Variants in CTDSPL2 observed in about 807,000 individuals in gnomAD.
CTDSPL2 encodes CTD small phosphatase like 2, also known as CTD small phosphatase-like protein 2.
CTDSPL2 carries 5 observed loss-of-function variants against 60.0 expected under a neutral mutation model. The ratio of observed to expected loss-of-function variants is 0.08; its 90% CI spans 0.04 to 0.18. CTDSPL2 has a LOEUF of 0.18. Ranked by LOEUF, CTDSPL2 falls within the 10% of genes least tolerant of loss-of-function variation. The probability of loss-of-function intolerance (pLI) is 1.00; values close to 1 mark genes in which losing one functional copy is unlikely to be tolerated. For synonymous variants in CTDSPL2, 186 were observed against 189.3 expected, an observed-to-expected ratio of 0.98 and a Z score of 0.14; for missense variants, 370 against 548.8, an observed-to-expected ratio of 0.67 and a Z score of 3.26.
intron 3 of CTDSPL2, among the ~76,000 whole-genome samples, chr15:44,485,150 C>G (rs575728748): frequency 3.3e-5 from 5 of 152,280 alleles, no homozygotes; most frequent in South Asian, 2.1e-4. Flanking sequence ...CTACTAGTGT[C>G]TACTAGGTGG....
intron 1 of CTDSPL2, among the ~76,000 whole-genome samples, chr15:44,431,316 G>A (rs2079852729): frequency 6.6e-6 from 1 of 152,124 alleles, no homozygotes; most frequent in Non-Finnish European, 1.5e-5. Context: ...TTTAATTGCA[G>A]CTTTAGTTTT....
At chr15:44,457,770 C>A (rs371178907) in intron 1 of CTDSPL2, among the ~76,000 whole-genome samples, 25 of 152,208 alleles carry the variant, frequency 1.6e-4, no homozygotes, top group African/African-American at 6.0e-4. Flanking sequence ...TGCCACCACG[C>A]CCACCTAATT....
intron 4 of CTDSPL2, among the ~76,000 whole-genome samples, chr15:44,488,236 A>C (rs529077966): frequency 6.6e-5 from 10 of 152,324 alleles, no homozygotes; most frequent in African/African-American, 1.7e-4. Context: ...CTTGGGCAGT[A>C]GTGTGTAGAC....
chr15:44,472,598 A>C (rs568643673), intron 2 of CTDSPL2, among the ~76,000 whole-genome samples: 3 of 150,264 alleles, frequency 2.0e-5, no homozygotes, highest in Non-Finnish European at 4.4e-5. Flanking sequence ...TCCTGGGCTC[A>C]AGTGATCCTT....
chr15:44,459,595 A>G (rs1282246210), intron 2 of CTDSPL2, among the ~76,000 whole-genome samples: 1 of 152,160 alleles, frequency 6.6e-6, no homozygotes, highest in Non-Finnish European at 1.5e-5. Context: ...TAGCGCACCA[A>G]AAACTACGTT....
At chr15:44,502,391 T>C (rs2081395114) in intron 8 of CTDSPL2, among the ~76,000 whole-genome samples, 1 of 152,168 alleles carries the variant, frequency 6.6e-6, no homozygotes, top group Non-Finnish European at 1.5e-5. Flanking sequence ...TAATTTTAAC[T>C]CTACATGTTA....
At chr15:44,434,272 T>C (rs1438253170) in intron 1 of CTDSPL2, among the ~76,000 whole-genome samples, 2 of 152,064 alleles carry the variant, frequency 1.3e-5, no homozygotes, top group African/African-American at 4.8e-5. Context: ...TGGTGGCGCA[T>C]GCCTGTAGTC....
At chr15:44,433,334 A>C (rs529621269) in intron 1 of CTDSPL2, among the ~76,000 whole-genome samples, 1 of 151,412 alleles carries the variant, frequency 6.6e-6, no homozygotes, top group African/African-American at 2.4e-5. Context: ...CTCAAAGAAA[A>C]AAAAAAAAAA....
intron 2 of CTDSPL2, among the ~76,000 whole-genome samples, chr15:44,460,492 GTTC>G (rs1157659279): frequency 2.0e-5 from 3 of 152,054 alleles, no homozygotes; most frequent in African/African-American, 7.2e-5. Context: ...CTATTTTTGT[GTTC>G]TTAGAATAAT....
intron 8 of CTDSPL2, among the ~76,000 whole-genome samples, chr15:44,512,485 G>C (rs1015178623): frequency 6.6e-6 from 1 of 152,170 alleles, no homozygotes; most frequent in Admixed American, 6.5e-5. Context: ...TGGCAGAATA[G>C]ATGGGTTGTT....
intron 1 of CTDSPL2, among the ~76,000 whole-genome samples, chr15:44,444,874 G>T (rs1285104880): frequency 9.1e-6 from 1 of 110,492 alleles, no homozygotes; most frequent in African/African-American, 3.6e-5. Context: ...TTTAGACGGA[G>T]TCTCCCTCTG....
intron 8 of CTDSPL2, among the ~76,000 whole-genome samples, chr15:44,505,659 G>A (rs1009724132): frequency 4.6e-5 from 7 of 151,658 alleles, no homozygotes; most frequent in South Asian, 2.1e-4. Context: ...GCTTGAACCC[G>A]GGAGGGAGAG....
At chr15:44,523,879 A>G (rs980296645) in intron 12 of CTDSPL2, among the ~76,000 whole-genome samples, 3 of 152,228 alleles carry the variant, frequency 2.0e-5, no homozygotes, top group Non-Finnish European at 4.4e-5. Flanking sequence ...AGCCTGAGCA[A>G]CAGAGCAAGA....
chr15:44,488,836 C>CA lies in CTDSPL2; in HGVS notation c.476-1940dup, dbSNP rs943850197. 9.9e-5 allele frequency among the ~76,000 whole-genome samples: 15 copies of CA among 151,518 alleles called. No individual in the cohort carries two copies. The East Asian group carries it at 1.6e-3, about 16-fold the overall frequency. On this transcript the variant is annotated intron_variant, in intron 4 of 12. Transcript: ENST00000260327. ...CTCCATCTCAAAAAACAAAACAAAA[C>CA]AAAAAAAACAAACCCCAGTAGTAAT...
At chr15:44,521,523 G>A in intron 12 of CTDSPL2, 117 bp downstream of exon 12, 1 of 541,734 alleles carries the variant, frequency 1.8e-6, no homozygotes, top group Admixed American at 3.6e-5. Flanking sequence ...TGTGAGCCAG[G>A]TCACAGGTGC....
At chr15:44,524,045 A>G (rs1416450039) in intron 12 of CTDSPL2, 64 bp from the exon 13 acceptor site, 2 of 1,238,634 alleles carry the variant, frequency 1.6e-6, no homozygotes, top group African/African-American at 1.5e-5. Context: ...GTAAGAATGT[A>G]TGTTATGAGG....
intron 5 of CTDSPL2, among the ~76,000 whole-genome samples, chr15:44,493,675 C>CTATA (rs1289593078): frequency 6.6e-6 from 1 of 152,102 alleles, no homozygotes. Context: ...GGCTTGCATA[C>CTATA]TATAGTCCCA....
At chr15:44,512,483 T>C (rs981854518) in intron 8 of CTDSPL2, among the ~76,000 whole-genome samples, 4 of 152,216 alleles carry the variant, frequency 2.6e-5, no homozygotes, top group Admixed American at 2.0e-4. Context: ...ATTGGCAGAA[T>C]AGATGGGTTG....
rs35160726 is a variant in CTDSPL2, at chr15:44,444,836, G to GTTTTTTTTTTTTT, written c.-24-14137_-24-14125dup. 2.9e-5 allele frequency among the ~76,000 whole-genome samples: 2 copies of GTTTTTTTTTTTTT among 69,614 alleles called. 1 individual carries two copies. The highest frequency in any genetic ancestry group is 1.2e-3 in the East Asian group (2 of 1,608). 45.7% of individuals were successfully genotyped at this position (69,614 alleles called of 152,430 possible). Reference sequence around the variant, plus strand: ...GCCTGGTGTTGAGATATGGAATGTAGTTTTTTTTTTTTTTTTTTTTTTTTT... The same window carrying GTTTTTTTTTTTTT: ...GCCTGGTGTTGAGATATGGAATGTAGTTTTTTTTTTTTTTTTTTTTTTTTTTTTTTTTTTTTTT... On this transcript the variant is annotated intron_variant, in intron 1 of 12. Transcript: ENST00000260327.
Sources: allele counts gnomAD v4.1 joint callset (sites outside exome capture counted in the v4.1 genomes callset), GRCh38; gene constraint gnomAD v4.1.1; transcripts MANE v1.5; gene names NCBI Gene and HGNC (gene_info 2026-07-23, HGNC 2026-07-21).